ADGRF1: variants seen among roughly 807,000 people sequenced by gnomAD.
The protein encoded by ADGRF1 is G protein-coupled receptor 110.
A neutral mutation model predicts 87.2 loss-of-function variants in ADGRF1; 85 were observed. The ratio of observed to expected loss-of-function variants is 0.97; its 90% CI spans 0.82 to 1.17. The LOEUF (loss-of-function observed/expected upper bound fraction) is 1.17. Ranked by LOEUF, ADGRF1 falls within the 50% of genes most tolerant of loss-of-function variation. The probability of loss-of-function intolerance (pLI) is 0.00; values close to 1 mark genes in which losing one functional copy is unlikely to be tolerated. For synonymous variants in ADGRF1, 430 were observed against 408.8 expected, an observed-to-expected ratio of 1.05 and a Z score of -0.63; for missense variants, 1,169 against 1,077.2, an observed-to-expected ratio of 1.09 and a Z score of -1.19.
chr6:47,024,753 C>T (rs186727589), intron 4 of ADGRF1, among the ~76,000 whole-genome samples: 1 of 152,106 alleles, frequency 6.6e-6, no homozygotes, highest in African/African-American at 2.4e-5. Context: ...AGGATGAAAC[C>T]AGGACAGCAA....
Position 47,023,218 on chromosome 6 carries a change from C to A in ADGRF1, c.451+826G>T, listed in dbSNP as rs57698716. 4.7e-3 allele frequency among the ~76,000 whole-genome samples: 709 copies of A among 152,310 alleles called. 9 individuals are homozygous for A. Among genetic ancestry groups the A allele is most frequent in the African/African-American group, 0.016 (672 of 41,582 alleles). On this transcript the variant is annotated intron_variant, in intron 5 of 14. Coordinates refer to ENST00000371253, the MANE Select transcript of ADGRF1 (RefSeq NM_153840.4). ...AACTAGTCTCCTAATTCATAGACAG[C>A]AAGAGAAATTCTTCTGTGTGTCCTC...
rs1561860410 is a variant in ADGRF1 at position 46,998,649 on chromosome 6, G to T, written c.*1573C>A. 1 of 152,188 alleles carries T rather than the reference G, an allele frequency of 6.6e-6. No individual in the cohort carries two copies. Among genetic ancestry groups the T allele is most frequent in the Non-Finnish European group, 1.5e-5 (1 of 68,036 alleles). The allele number at this position is 152,188 out of a possible 1,614,324, so 9.4% of individuals were successfully genotyped here. A position where few individuals can be genotyped will look rare whatever the true frequency, so the allele number is the denominator to read the frequency against. On this transcript the variant is annotated 3_prime_UTR_variant, in exon 15 of 15. Transcript: ENST00000371253. ...TGGTTCTGAGAAATCTGAGCTATCTGAGCTATCTGAGAAATCTTCTCTCAC... is the reference window on the plus strand; with the variant it reads ...TGGTTCTGAGAAATCTGAGCTATCTTAGCTATCTGAGAAATCTTCTCTCAC...
At chr6:47,035,607 A>T (rs546462015) in intron 1 of ADGRF1, among the ~76,000 whole-genome samples, 32 of 152,146 alleles carry the variant, frequency 2.1e-4, no homozygotes, top group Non-Finnish European at 4.0e-4. Context: ...AATACAACGA[A>T]TTTTTTAACT....
intron 11 of ADGRF1, 71 bp downstream of exon 11, chr6:47,008,874 T>A: frequency 7.0e-7 from 1 of 1,420,740 alleles, no homozygotes. Context: ...TCCAGAGTGG[T>A]TTTACCTGCC....
chr6:47,026,095 G>A, intron 3 of ADGRF1, 92 bp from the exon 4 acceptor site: 1 of 1,125,670 alleles, frequency 8.9e-7, no homozygotes, highest in Non-Finnish European at 1.3e-6. Context: ...TCAAATTTAG[G>A]TCAGGGACTC....
chr6:47,027,854 A>C (rs1780287168), intron 2 of ADGRF1, 93 bp from the exon 3 acceptor site: 2 of 836,654 alleles, frequency 2.4e-6, no homozygotes, highest in East Asian at 4.9e-5. Context: ...TAAAATCATG[A>C]ATCTAAAATC....
intron 13 of ADGRF1, among the ~76,000 whole-genome samples, chr6:47,004,165 T>C (rs1272112765): frequency 2.0e-5 from 3 of 152,312 alleles, no homozygotes; most frequent in Admixed American, 2.0e-4. Flanking sequence ...TGGTTACCAA[T>C]CTCGCTGATT....
chr6:47,019,670 C>T (rs1383061343), intron 7 of ADGRF1: 20 of 742,620 alleles, frequency 2.7e-5, no homozygotes, highest in African/African-American at 6.7e-5. Context: ...GGCGACAGAG[C>T]GAGACTCCAT....
chr6:47,009,739 AG>A lies in ADGRF1; in HGVS notation c.1695del (p.Leu566Ter). On this transcript the variant is annotated frameshift_variant, in exon 11 of 15. Coordinates refer to ENST00000371253, the MANE Select transcript of ADGRF1 (RefSeq NM_153840.4). LOFTEE classifies it high-confidence loss of function. ...TQDIVTCQCT[H>X]LTSFSILMSP... The stretch of plus-strand genomic sequence containing the variant: ...GACATCAATATGGAGAAGGAGGTCA[AG>A]TGAGTACATTGGCACGTCACGATGT... 6.2e-7 allele frequency: 1 copy of A among 1,614,218 alleles called. No homozygotes were observed. Among genetic ancestry groups the A allele is most frequent in the Non-Finnish European group, 8.5e-7 (1 of 1,180,030 alleles).
rs932002073 is a variant in ADGRF1 at position 47,020,785 on chromosome 6, T to C, written c.557A>G (p.Lys186Arg). 6.2e-7 allele frequency: 1 copy of C among 1,613,480 alleles called. No individual in the cohort carries two copies. The highest frequency in any genetic ancestry group is 8.5e-7 in the Non-Finnish European group (1 of 1,179,456). The change falls in exon 7 of 15, where the codon AAA becomes AGA. Residue 186 changes from lysine to arginine, a missense_variant. Physicochemically the swap from Lys to Arg is conservative, Grantham distance 26. Coordinates refer to ENST00000371253, the MANE Select transcript of ADGRF1 (RefSeq NM_153840.4). Reference sequence around the variant, plus strand: ...ACCTTGAATTCTTTCATATGCTTTTTTAAGCTTAGAAAGAGAACAAAGAAC... The same window carrying C: ...ACCTTGAATTCTTTCATATGCTTTTCTAAGCTTAGAAAGAGAACAAAGAAC... Reference protein sequence around the residue: ...KYANGIEIQLKKAYERIQGFE... With the variant: ...KYANGIEIQLRKAYERIQGFE...
intron 1 of ADGRF1, among the ~76,000 whole-genome samples, chr6:47,034,022 C>T (rs990268165): frequency 2.6e-4 from 40 of 152,296 alleles, no homozygotes; most frequent in African/African-American, 9.4e-4. Context: ...ATTGTAAACA[C>T]GTTTTATATT....
At chr6:47,008,839 C>T (rs1779604813) in intron 11 of ADGRF1, 106 bp downstream of exon 11, 1 of 946,358 alleles carries the variant, frequency 1.1e-6, no homozygotes, top group Non-Finnish European at 1.6e-6. Flanking sequence ...GATGGTCTTG[C>T]TGGAGGCAGG....
In ADGRF1 at chr6:46,998,380, T is replaced by A. The variant is rs1779269475; in HGVS notation, c.*1842A>T. ...TCTGGCTTCACCTCCCACTTCTTGATGCTGGGTTCCCTCCACCTCTTTGGA... is the reference window on the plus strand; with the variant it reads ...TCTGGCTTCACCTCCCACTTCTTGAAGCTGGGTTCCCTCCACCTCTTTGGA... On this transcript the variant is annotated 3_prime_UTR_variant, in exon 15 of 15. Coordinates refer to ENST00000371253, the MANE Select transcript of ADGRF1 (RefSeq NM_153840.4). The A allele has an allele frequency of 6.6e-6, 1 of 152,250 alleles. No homozygotes were observed. Among genetic ancestry groups the A allele is most frequent in the African/African-American group, 2.4e-5 (1 of 41,444 alleles). 9.4% of individuals were successfully genotyped at this position (152,250 alleles called of 1,614,324 possible).
At chr6:47,018,593 G>T in intron 7 of ADGRF1, 1 of 1,289,242 alleles carries the variant, frequency 7.8e-7, no homozygotes, top group Non-Finnish European at 1.0e-6. Flanking sequence ...CTGTTTGACA[G>T]ATAAGTAAAT....
rs1322326957 is a variant in ADGRF1, at chr6:47,009,334, C to T, written c.2101G>A (p.Val701Ile). The T allele has an allele frequency of 4.3e-6, 7 of 1,614,032 alleles. No homozygotes were observed. Among genetic ancestry groups the T allele is most frequent in the Non-Finnish European group, 5.9e-6 (7 of 1,180,022 alleles). ...HHMAQHLMMA[V>I]GFCLGYGCPL... ...CACCCATAACCCAGGCAAAATCCAA[C>T]AGCCATCATCAAATGCTGGGCCATG... Residue 701 changes from valine to isoleucine, a missense_variant, in exon 11 of 15, where the codon GTT becomes ATT. By Grantham distance (29) the Val-to-Ile change is conservative. Coordinates refer to ENST00000371253, the MANE Select transcript of ADGRF1 (RefSeq NM_153840.4).
chr6:47,024,462 G>A (rs1020136224), intron 4 of ADGRF1, among the ~76,000 whole-genome samples: 3 of 152,124 alleles, frequency 2.0e-5, no homozygotes, highest in African/African-American at 7.2e-5. Context: ...TTACAGGCAC[G>A]CACCATCACC....
Position 47,009,263 on chromosome 6 carries a change from G to A in ADGRF1, c.2172C>T (p.Ser724=). 6.2e-7 allele frequency: 1 copy of A among 1,614,146 alleles called. No individual in the cohort carries two copies. The highest frequency in any genetic ancestry group is 1.1e-5 in the South Asian group (1 of 91,076). ...ACACATCTTTCCTTTTGTAGGTATT[G>A]CTAGGTTGCGTGACAGCAATGGTAA... ...SVITIAVTQP[S]NTYKRKDVCW... Residue 724 remains serine (S), a synonymous_variant, in exon 11 of 15, where the codon AGC becomes AGT. Coordinates refer to ENST00000371253, the MANE Select transcript of ADGRF1 (RefSeq NM_153840.4).
At chr6:47,004,626 C>G (rs1561863758) in intron 13 of ADGRF1, among the ~76,000 whole-genome samples, 1 of 152,112 alleles carries the variant, frequency 6.6e-6, no homozygotes, top group Non-Finnish European at 1.5e-5. Flanking sequence ...AAGGTTTTAT[C>G]TTTTATGTAG....
At position 46,999,915 on chromosome 6, in the gene ADGRF1, G is replaced by T. The variant is rs1463502606; in HGVS notation, c.*307C>A. On this transcript the variant is annotated 3_prime_UTR_variant, in exon 15 of 15. Coordinates refer to ENST00000371253, the MANE Select transcript of ADGRF1 (RefSeq NM_153840.4). The stretch of plus-strand genomic sequence containing the variant: ...TTATTGGAAATGCCATGTGAATAAT[G>T]CTGTTTTATGAAAATAGAAACCATA... 9.4e-6 allele frequency: 2 copies of T among 212,900 alleles called. No individual in the cohort carries two copies. Among genetic ancestry groups the T allele is most frequent in the Non-Finnish European group, 1.9e-5 (2 of 105,888 alleles). The allele number at this position is 212,900 out of a possible 1,614,324, so 13.2% of individuals were successfully genotyped here.
Sources: gnomAD v4.1 joint callset for allele counts (sites outside exome capture counted in the v4.1 genomes callset) on GRCh38, gnomAD v4.1.1 for gene constraint, MANE v1.5 for transcripts, NCBI Gene and HGNC (gene_info 2026-07-23, HGNC 2026-07-21) for gene names.